The following NUMA1 variants were observed in gnomAD, a reference collection of about 807,000 sequenced individuals.
NUMA1 encodes the protein SP-H antigen.
Under a neutral mutation model 237.1 loss-of-function variants are expected in NUMA1, and 62 were observed. The observed-to-expected ratio is 0.26, with a 90% CI of 0.21 to 0.32. The LOEUF is 0.32. NUMA1 is among the 10% of genes least tolerant of loss of function. The pLI, the probability that NUMA1 is intolerant of heterozygous loss-of-function variation, is 1.00. For synonymous variants in NUMA1, 1,028 were observed against 1,066.1 expected (o/e 0.96, Z 0.70); for missense variants, 2,533 against 2,666.5 (o/e 0.95, Z 1.10).
chr11:72,048,837 C>CA, intron 2 of NUMA1, among the ~76,000 whole-genome samples: 1 of 152,226 alleles, frequency 6.6e-6, no homozygotes, highest in Non-Finnish European at 1.5e-5. Flanking sequence ...GGGATGTTGG[C>CA]AGTGTCTCAA....
chr11:72,026,535 G>A (rs542423224), intron 4 of NUMA1, among the ~76,000 whole-genome samples: 10 of 152,328 alleles, frequency 6.6e-5, no homozygotes, highest in Admixed American at 2.0e-4. Context: ...GACTATTCAC[G>A]CACAGAAGAA....
At chr11:72,041,472 C>A (rs1174698338) in intron 2 of NUMA1, 1 of 152,380 alleles carries the variant, frequency 6.6e-6, no homozygotes, top group Non-Finnish European at 1.5e-5. Context: ...ACTCCCCCTT[C>A]GCTCTGTTTT....
chr11:72,075,684 C>T (rs1479002652), intron 1 of NUMA1, among the ~76,000 whole-genome samples: 4 of 152,170 alleles, frequency 2.6e-5, no homozygotes, highest in Non-Finnish European at 1.5e-5. Context: ...TCCCTTTCTG[C>T]TTTTTCAGCC....
intron 13 of NUMA1, chr11:72,017,414 G>A: frequency 2.0e-6 from 1 of 491,812 alleles, no homozygotes; most frequent in Non-Finnish European, 3.7e-6. Context: ...AAAACAGACT[G>A]ATTAACTTGT....
chr11:72,074,604 T>G (rs1943620842), intron 1 of NUMA1, among the ~76,000 whole-genome samples: 1 of 151,830 alleles, frequency 6.6e-6, no homozygotes, highest in Non-Finnish European at 1.5e-5. Context: ...CCAGGCACAG[T>G]GGCGTGCACT....
chr11:72,079,747 A>AGT (rs141539869), intron 1 of NUMA1, among the ~76,000 whole-genome samples: 3 of 141,474 alleles, frequency 2.1e-5, no homozygotes, highest in Admixed American at 6.8e-5. Flanking sequence ...ACAAACAAAA[A>AGT]TTAAAAAAAA....
chr11:72,038,253 TTCA>T (rs1056853474), intron 2 of NUMA1, among the ~76,000 whole-genome samples: 1 of 152,198 alleles, frequency 6.6e-6, no homozygotes, highest in Non-Finnish European at 1.5e-5. Context: ...AACCAACCTC[TTCA>T]TCTCAGAGGC....
chr11:72,017,979 C>A, intron 12 of NUMA1, 152 bp from the exon 13 acceptor site: 1 of 1,072,578 alleles, frequency 9.3e-7, no homozygotes, highest in Non-Finnish European at 1.3e-6. Flanking sequence ...TAATTCAGAA[C>A]TACAAATCAA....
chr11:72,017,919 T>C, intron 12 of NUMA1, 92 bp from the exon 13 acceptor site: 1 of 1,415,812 alleles, frequency 7.1e-7, no homozygotes, highest in Non-Finnish European at 9.7e-7. Context: ...GCTGGATGCC[T>C]CCAATTATCC....
intron 1 of NUMA1, among the ~76,000 whole-genome samples, chr11:72,078,635 C>T (rs142863185): frequency 1.3e-5 from 2 of 152,332 alleles, no homozygotes; most frequent in East Asian, 1.9e-4. Context: ...TGGAATGTAC[C>T]GCTTTTCGCT....
chr11:72,023,802 A>G (rs1939216737), intron 5 of NUMA1, among the ~76,000 whole-genome samples: 2 of 152,158 alleles, frequency 1.3e-5, no homozygotes, highest in Non-Finnish European at 2.9e-5. Flanking sequence ...ATAGATAGGG[A>G]ACCTATGTCC....
rs1283308365 is a variant in NUMA1 at position 72,006,185 on chromosome 11, GGCTAGCCTGGGA to G, written c.5530_5541del (p.Ser1844_Ser1847del). The G allele has an allele frequency of 6.2e-7, 1 of 1,614,054 alleles. No individual in the cohort carries two copies. The highest frequency in any genetic ancestry group is 8.5e-7 in the Non-Finnish European group (1 of 1,180,054). On this transcript the variant is annotated inframe_deletion, in exon 22 of 27. Transcript: ENST00000393695. ...GACTGAGTAGAGGAGGTGGCTCGCA[GGCTAGCCTGGGA>G]AGCAGGAGCAGACCGCGTGCTGTAG... is the stretch of plus-strand genomic sequence containing the variant.
At chr11:72,049,873 T>C (rs2136010394) in intron 2 of NUMA1, among the ~76,000 whole-genome samples, 1 of 151,888 alleles carries the variant, frequency 6.6e-6, no homozygotes, top group East Asian at 1.9e-4. Flanking sequence ...CCCATGATTC[T>C]TTCCACAGGA....
chr11:72,051,040 G>A (rs1232281805), intron 2 of NUMA1, among the ~76,000 whole-genome samples: 5 of 152,002 alleles, frequency 3.3e-5, no homozygotes, highest in African/African-American at 1.2e-4. Context: ...ACAGGCACGC[G>A]CCACCACGCC....
At chr11:72,059,556 A>G (rs560777) in intron 2 of NUMA1, among the ~76,000 whole-genome samples, 134,882 of 152,260 alleles carry the variant, frequency 0.89, 60,040 homozygotes, top group Non-Finnish European at 0.95. Context: ...GGTGTGAGCT[A>G]TCATGGCTGG....
At chr11:72,037,100 C>T (rs4945426) in intron 2 of NUMA1, among the ~76,000 whole-genome samples, 2 of 152,132 alleles carry the variant, frequency 1.3e-5, no homozygotes, top group African/African-American at 4.8e-5. Flanking sequence ...CTGTCTAGTA[C>T]GGGAAAGAGA....
At position 72,018,477 on chromosome 11, in the gene NUMA1, C is replaced by T. The variant is rs748769363; in HGVS notation, c.779G>A (p.Arg260His). Residue 260 changes from arginine (R) to histidine (H), a missense_variant, in exon 11 of 27, where the codon CGC (arginine) becomes CAC (histidine). Physicochemically the swap from Arg to His is conservative, Grantham distance 29 (BLOSUM62 0). Transcript: ENST00000393695. The part of the protein sequence containing the change: ...QIAMMQQRID[R>H]LALLNEKQAA... ...CTGCTTCTCATTCAGCAGGGCTAGG[C>T]GGTCAATGCGCTGCTGCATCATGGC... The T allele has an allele frequency of 6.8e-6, 11 of 1,614,084 alleles. No individual in the cohort carries two copies. Among genetic ancestry groups the T allele is most frequent in the Admixed American group, 5.0e-5 (3 of 60,022 alleles).
intron 14 of NUMA1, 65 bp from the exon 15 acceptor site, chr11:72,016,325 A>G (rs1015999452): frequency 6.3e-6 from 10 of 1,586,722 alleles, no homozygotes; most frequent in Non-Finnish European, 8.6e-7. Flanking sequence ...TCCTCTGGAA[A>G]TGGAGGAACA....
At chr11:72,070,686 G>C (rs1041536857) in intron 1 of NUMA1, among the ~76,000 whole-genome samples, 3 of 151,932 alleles carry the variant, frequency 2.0e-5, no homozygotes, top group Admixed American at 2.0e-4. Context: ...AGTGTGCCTG[G>C]GTCCCACCCA....
Sources: gnomAD v4.1 joint callset for allele counts (sites outside exome capture counted in the v4.1 genomes callset) on GRCh38, gnomAD v4.1.1 for gene constraint, MANE v1.5 for transcripts, NCBI Gene and HGNC (gene_info 2026-07-23, HGNC 2026-07-21) for gene names.